The following GARNL3 variants were observed in gnomAD, a reference collection of about 807,000 sequenced individuals.
GARNL3 encodes the protein GTPase-activating Rap/Ran-GAP domain-like protein 3.
GARNL3 carries 63 observed loss-of-function variants against 125.0 expected under a neutral mutation model. The observed-to-expected ratio is 0.50, with a 90% CI of 0.41 to 0.62. The LOEUF is 0.62. Ranked by LOEUF, GARNL3 falls within the 20% of genes least tolerant of loss-of-function variation. The probability of loss-of-function intolerance (pLI) is 0.00; values close to 1 mark genes in which losing one functional copy is unlikely to be tolerated. For synonymous variants in GARNL3, 439 were observed against 457.5 expected (o/e 0.96, Z 0.52); for missense variants, 994 against 1,244.0 (o/e 0.80, Z 3.02).
intron 22 of GARNL3, among the ~76,000 whole-genome samples, chr9:127,376,856 G>A (rs532704738): frequency 8.9e-4 from 136 of 152,276 alleles, no homozygotes; most frequent in African/African-American, 3.1e-3. Context: ...TCCAACCCTC[G>A]TGGAATTTGG....
At chr9:127,299,114 A>G (rs1236939466) in intron 2 of GARNL3, among the ~76,000 whole-genome samples, 5 of 152,126 alleles carry the variant, frequency 3.3e-5, no homozygotes, top group Non-Finnish European at 5.9e-5. Flanking sequence ...CAGGAGACTG[A>G]GACCATCCTG....
chr9:127,348,150 A>T (rs1332935462), intron 16 of GARNL3, among the ~76,000 whole-genome samples: 2 of 152,202 alleles, frequency 1.3e-5, no homozygotes, highest in Non-Finnish European at 2.9e-5. Flanking sequence ...TGGGCCTGAG[A>T]ATCTCCACAA....
intron 2 of GARNL3, among the ~76,000 whole-genome samples, chr9:127,251,176 C>T (rs891605256): frequency 3.3e-5 from 5 of 152,146 alleles, no homozygotes; most frequent in Non-Finnish European, 7.3e-5. Context: ...GGCTGCCCTG[C>T]CCTAAATTCA....
rs1220660404 is a variant in GARNL3 at position 127,361,299 on chromosome 9, G to T, written c.2094+3922G>T. ...AGAGAGAGAGAGAGAGAGAGACAGG[G>T]TCTAGCTCTGTCCCAGGCTGGAGTG... On this transcript the variant is annotated intron_variant, in intron 21 of 27. Coordinates refer to ENST00000373387, the MANE Select transcript of GARNL3 (RefSeq NM_032293.5). Among the ~76,000 whole-genome samples, 2 of 151,890 alleles carry T rather than the reference G, an allele frequency of 1.3e-5. 1 individual carries two copies. Among genetic ancestry groups the T allele is most frequent in the South Asian group, 4.2e-4 (2 of 4,800 alleles).
chr9:127,288,109 GGA>G (rs1554901413), intron 1 of GARNL3, among the ~76,000 whole-genome samples: 1 of 152,192 alleles, frequency 6.6e-6, no homozygotes, highest in Non-Finnish European at 1.5e-5. Flanking sequence ...GCTGGAGAGC[GGA>G]GAGAGCGCCT....
In GARNL3 at chr9:127,318,119, C is replaced by T. The variant is rs201430531; in HGVS notation, c.495C>T (p.Ser165=). The change falls in exon 5 of 28, where the codon TCC becomes TCT. Residue 165 remains serine, a synonymous_variant. Coordinates refer to ENST00000373387, the MANE Select transcript of GARNL3 (RefSeq NM_032293.5). ...CCACAAAAACTCTTTCTGTGAAGTC[C>T]ATCTTAAGGTGAGTTCTAATGGGTA... ...YSPTKTLSVK[S]ILSAMNLDKF... 1.3e-5 allele frequency: 20 copies of T among 1,597,814 alleles called. No individual in the cohort carries two copies. The highest frequency in any genetic ancestry group is 1.7e-6 in the Non-Finnish European group (2 of 1,165,304).
intron 22 of GARNL3, among the ~76,000 whole-genome samples, chr9:127,369,942 A>T (rs1159895384): frequency 6.6e-6 from 1 of 152,104 alleles, no homozygotes; most frequent in Non-Finnish European, 1.5e-5. Context: ...ACACAGTGGG[A>T]AGAGGAAGGA....
chr9:127,334,801 T>C (rs1448064449), intron 9 of GARNL3, among the ~76,000 whole-genome samples: 1 of 152,220 alleles, frequency 6.6e-6, no homozygotes, highest in African/African-American at 2.4e-5. Context: ...AATGACAAAT[T>C]GAATCCAAGT....
chr9:127,361,244 A>G (rs1224852231), intron 21 of GARNL3, among the ~76,000 whole-genome samples: 1 of 152,030 alleles, frequency 6.6e-6, no homozygotes, highest in Non-Finnish European at 1.5e-5. Context: ...CAATAGAATG[A>G]ACTACTTATT....
chr9:127,321,950 G>T (rs765582882), intron 6 of GARNL3, among the ~76,000 whole-genome samples: 5 of 152,142 alleles, frequency 3.3e-5, no homozygotes, highest in East Asian at 1.9e-4. Flanking sequence ...TTAAAATAAG[G>T]TTATCAACTC....
intron 6 of GARNL3, among the ~76,000 whole-genome samples, chr9:127,324,352 C>T (rs976622295): frequency 6.6e-6 from 1 of 152,316 alleles, no homozygotes; most frequent in East Asian, 1.9e-4. Flanking sequence ...ATGCCTCTTA[C>T]AGTTCTTTCA....
rs888097629 is a variant in GARNL3 at position 127,302,142 on chromosome 9, C to T, written c.220-9494C>T. On this transcript the variant is annotated intron_variant, in intron 2 of 27. Transcript: ENST00000373387. ...TATTTTTAGTAGAGACAGGGTTTCC[C>T]CGTGTCAGCCAGGATGGTCTCGATC... is the stretch of plus-strand genomic sequence containing the variant. Among the ~76,000 whole-genome samples the T allele has an allele frequency of 4.6e-5, 7 of 151,756 alleles. No homozygotes were observed. In the East Asian group the frequency reaches 9.7e-4, roughly 21 times the overall value.
At chr9:127,372,238 T>A (rs998798215) in intron 22 of GARNL3, among the ~76,000 whole-genome samples, 3 of 152,224 alleles carry the variant, frequency 2.0e-5, no homozygotes, top group Admixed American at 1.3e-4. Context: ...GACACTATCC[T>A]TGCCCATCCC....
chr9:127,285,721 A>G (rs2064232561), intron 1 of GARNL3, among the ~76,000 whole-genome samples: 1 of 152,070 alleles, frequency 6.6e-6, no homozygotes, highest in Non-Finnish European at 1.5e-5. Flanking sequence ...TATTTTGGAG[A>G]TGGGTGGTTC....
At chr9:127,311,606 T>C in intron 2 of GARNL3, 30 bp from the exon 3 acceptor site, 1 of 1,476,788 alleles carries the variant, frequency 6.8e-7, no homozygotes, top group Non-Finnish European at 9.5e-7. Context: ...TGAATAAGCC[T>C]CTTAATGTCA....
chr9:127,392,747 G>A lies in GARNL3; in HGVS notation c.2871-336G>A, dbSNP rs572990967. Among the ~76,000 whole-genome samples, 6 of 152,338 alleles carry A rather than the reference G, an allele frequency of 3.9e-5. No homozygotes were observed. Among genetic ancestry groups the A allele is most frequent in the South Asian group, 2.1e-4 (1 of 4,828 alleles). The stretch of plus-strand genomic sequence containing the variant: ...CTGGAGGGATCACAGGCCTAGTCCC[G>A]GAACCTTGGCTATGAGTTTCAGCCT... On this transcript the variant is annotated intron_variant, in intron 27 of 27. Transcript: ENST00000373387. The surrounding 1 kb of genome is among the most constrained non-coding windows in gnomAD (Gnocchi z 5.2).
chr9:127,363,543 A>T (rs1214905884), intron 21 of GARNL3: 4 of 152,166 alleles, frequency 2.6e-5, no homozygotes, highest in African/African-American at 9.7e-5. Flanking sequence ...CCATAATGAG[A>T]CCTTTTAGAG....
At chr9:127,238,215 C>G (rs1442850274) in intron 1 of GARNL3, among the ~76,000 whole-genome samples, 2 of 152,182 alleles carry the variant, frequency 1.3e-5, no homozygotes, top group Non-Finnish European at 2.9e-5. Context: ...TCTCGAACTC[C>G]TGACCTCGTG....
chr9:127,355,922 A>C (rs895216960), intron 20 of GARNL3, among the ~76,000 whole-genome samples: 3 of 152,146 alleles, frequency 2.0e-5, no homozygotes, highest in Non-Finnish European at 4.4e-5. Context: ...GATCCAAAAG[A>C]AGTATGGGAG....
Sources: allele counts gnomAD v4.1 joint callset (sites outside exome capture counted in the v4.1 genomes callset), GRCh38; gene constraint gnomAD v4.1.1; non-coding constraint Gnocchi (gnomAD v3.1); transcripts MANE v1.5; gene names NCBI Gene and HGNC (gene_info 2026-07-23, HGNC 2026-07-21).